IGFBP2: variants seen among roughly 807,000 people sequenced by gnomAD.
The protein encoded by IGFBP2 is insulin like growth factor binding protein 2.
In IGFBP2, 12 loss-of-function variants were observed where a neutral mutation model predicts 26.2. The ratio of observed to expected loss-of-function variants is 0.46; its 90% CI spans 0.29 to 0.74. The LOEUF (loss-of-function observed/expected upper bound fraction) is 0.74, where lower values mean the gene tolerates loss of function less well. IGFBP2 is among the 30% of genes least tolerant of loss of function. The pLI, the probability that IGFBP2 is intolerant of heterozygous loss-of-function variation, is 0.09. For synonymous variants in IGFBP2, 189 were observed against 200.6 expected (o/e 0.94, Z 0.49); for missense variants, 328 against 441.2 (o/e 0.74, Z 2.30).
intron 1 of IGFBP2, among the ~76,000 whole-genome samples, chr2:216,640,260 A>G (rs570967322): frequency 2.0e-5 from 3 of 152,250 alleles, no homozygotes; most frequent in Non-Finnish European, 4.4e-5. Context: ...AAAAAACTAG[A>G]ATCCTTAAAT....
intron 1 of IGFBP2, among the ~76,000 whole-genome samples, chr2:216,647,385 A>C (rs1049467589): frequency 4.6e-5 from 7 of 152,234 alleles, no homozygotes; most frequent in Non-Finnish European, 8.8e-5. Flanking sequence ...GAGGACTAAG[A>C]AAATGCACAG....
In IGFBP2 at chr2:216,664,041, G is replaced by A. The variant is rs1559182059; in HGVS notation, c.915G>A (p.Glu305=). The change falls in exon 4 of 4, where the codon GAG becomes GAA. Residue 305 remains glutamate, a synonymous_variant. Transcript: ENST00000233809. This position sits in a 1 kb window ranked among gnomAD's most constrained non-coding sequence, Gnocchi z 4.6. ...CCCCCACCATCCGGGGGGACCCCGA[G>A]TGTCATCTCTTCTACAATGAGCAGC... is the stretch of plus-strand genomic sequence containing the variant. ...QGAPTIRGDP[E]CHLFYNEQQE... is the part of the protein sequence containing the mutation. 1.2e-6 allele frequency: 2 copies of A among 1,614,010 alleles called. No individual in the cohort carries two copies. Among genetic ancestry groups the A allele is most frequent in the Non-Finnish European group, 1.7e-6 (2 of 1,179,996 alleles).
intron 1 of IGFBP2, among the ~76,000 whole-genome samples, chr2:216,654,914 C>T (rs1201396706): frequency 6.6e-6 from 1 of 152,196 alleles, no homozygotes; most frequent in East Asian, 1.9e-4. Context: ...CAACTTTGTC[C>T]TCCTGGAGGA....
At chr2:216,644,507 G>A (rs879529097) in intron 1 of IGFBP2, among the ~76,000 whole-genome samples, 8 of 152,130 alleles carry the variant, frequency 5.3e-5, no homozygotes, top group Non-Finnish European at 8.8e-5. Context: ...AGGTGGGGAG[G>A]AAGTTGTACC....
chr2:216,641,426 G>T (rs1222267660), intron 1 of IGFBP2, among the ~76,000 whole-genome samples: 2 of 152,132 alleles, frequency 1.3e-5, no homozygotes, highest in South Asian at 2.1e-4. Flanking sequence ...ACAGATGTGT[G>T]TAAAGATATA....
chr2:216,648,163 C>T (rs1697752459), intron 1 of IGFBP2, among the ~76,000 whole-genome samples: 1 of 152,220 alleles, frequency 6.6e-6, no homozygotes, highest in African/African-American at 2.4e-5. Context: ...TGTTTTCTCT[C>T]TGGTCCTTGG....
At chr2:216,659,686 A>G in intron 1 of IGFBP2, 2 of 1,529,092 alleles carry the variant, frequency 1.3e-6, no homozygotes, top group Non-Finnish European at 1.8e-6. Flanking sequence ...AGGTTGAAGA[A>G]AGTATAAGGA....
intron 1 of IGFBP2, among the ~76,000 whole-genome samples, chr2:216,644,778 T>A (rs1697678912): frequency 6.6e-6 from 1 of 152,224 alleles, no homozygotes; most frequent in Non-Finnish European, 1.5e-5. Flanking sequence ...AGCTCTGTTT[T>A]AGCCTCGAGA....
chr2:216,649,242 C>T (rs898683618), intron 1 of IGFBP2, among the ~76,000 whole-genome samples: 3 of 152,234 alleles, frequency 2.0e-5, no homozygotes, highest in African/African-American at 7.2e-5. Context: ...ATGTTGACAT[C>T]CATAGGTCAG....
Position 216,633,877 on chromosome 2 carries a change from G to A in IGFBP2, c.354G>A (p.Glu118=), listed in dbSNP as rs943651294. The A allele has an allele frequency of 2.7e-5, 42 of 1,580,856 alleles. No individual in the cohort carries two copies. The highest frequency in any genetic ancestry group is 3.4e-5 in the Non-Finnish European group (40 of 1,166,728). ...GLRCYPHPGS[E]LPLQALVMGE... ...GCTGCTATCCCCACCCGGGCTCCGA[G>A]CTGCCCCTGCAGGCGCTGGTCATGG... The change falls in exon 1 of 4, where the codon GAG becomes GAA. Residue 118 remains glutamate (E), a synonymous_variant. Coordinates refer to ENST00000233809, the MANE Select transcript of IGFBP2 (RefSeq NM_000597.3).
intron 1 of IGFBP2, among the ~76,000 whole-genome samples, chr2:216,651,000 T>C (rs544384918): frequency 6.6e-6 from 1 of 152,078 alleles, no homozygotes; most frequent in Non-Finnish European, 1.5e-5. Flanking sequence ...TTAACTAAGC[T>C]GGAATGTGTC....
At chr2:216,635,846 C>T (rs1697483997) in intron 1 of IGFBP2, among the ~76,000 whole-genome samples, 1 of 152,090 alleles carries the variant, frequency 6.6e-6, no homozygotes, top group African/African-American at 2.4e-5. Context: ...TTATGGGACT[C>T]CCTTCCGCCA....
chr2:216,642,102 C>G (rs1029273202), intron 1 of IGFBP2, among the ~76,000 whole-genome samples: 2 of 150,262 alleles, frequency 1.3e-5, no homozygotes, highest in Non-Finnish European at 3.0e-5. Flanking sequence ...CGGGTTCATG[C>G]CATTCTCCTG....
intron 1 of IGFBP2, among the ~76,000 whole-genome samples, chr2:216,640,066 A>G (rs908218398): frequency 1.3e-5 from 2 of 151,990 alleles, no homozygotes; most frequent in Non-Finnish European, 2.9e-5. Context: ...GTCCCTGCAG[A>G]CCATTCTTTC....
chr2:216,664,355 A>G lies in IGFBP2; in HGVS notation c.*251A>G, dbSNP rs976644189. Reference sequence around the variant, plus strand: ...GGTTGTGGTCGGGGAGCTGGGGTACAGGTTTGGGGAGGGGGAAGAGAAATT... The same window carrying G: ...GGTTGTGGTCGGGGAGCTGGGGTACGGGTTTGGGGAGGGGGAAGAGAAATT... On this transcript the variant is annotated 3_prime_UTR_variant, in exon 4 of 4. Transcript: ENST00000233809. This position sits in a 1 kb window ranked among gnomAD's most constrained non-coding sequence, Gnocchi z 4.6. 3 of 373,396 alleles carry G rather than the reference A, an allele frequency of 8.0e-6. No homozygotes were observed. The highest frequency in any genetic ancestry group is 4.1e-5 in the East Asian group (1 of 24,440). The allele number at this position is 373,396 out of a possible 1,614,324, so 23.1% of individuals were successfully genotyped here. A position where few individuals can be genotyped will look rare whatever the true frequency, so the allele number is the denominator to read the frequency against.
chr2:216,634,248 C>A (rs976331641), intron 1 of IGFBP2, among the ~76,000 whole-genome samples: 1 of 152,182 alleles, frequency 6.6e-6, no homozygotes, highest in Non-Finnish European at 1.5e-5. Flanking sequence ...ACCCAGACTT[C>A]TATTCTGGAG....
chr2:216,659,513 C>T (rs1432542461), intron 1 of IGFBP2: 6 of 590,318 alleles, frequency 1.0e-5, no homozygotes, highest in Admixed American at 2.6e-5. Flanking sequence ...GGTGTGAGGC[C>T]CTGCCCTTCT....
chr2:216,633,239 G>T (rs551556389), upstream of IGFBP2, among the ~76,000 whole-genome samples: 4 of 152,178 alleles, frequency 2.6e-5, no homozygotes, highest in African/African-American at 9.6e-5. Flanking sequence ...GGCCCGGGAA[G>T]AGCAGGGAAC....
At chr2:216,635,145 T>A (rs1196621813) in intron 1 of IGFBP2, among the ~76,000 whole-genome samples, 1 of 152,146 alleles carries the variant, frequency 6.6e-6, no homozygotes, top group Non-Finnish European at 1.5e-5. Context: ...CCTGGTCGGC[T>A]ATTGTTTTTT....
Sources: allele counts gnomAD v4.1 joint callset (sites outside exome capture counted in the v4.1 genomes callset), GRCh38; gene constraint gnomAD v4.1.1; non-coding constraint Gnocchi (gnomAD v3.1); transcripts MANE v1.5; gene names NCBI Gene and HGNC (gene_info 2026-07-23, HGNC 2026-07-21).